Variants in POLR3F observed in about 807,000 individuals in gnomAD.
The protein encoded by POLR3F is DNA-directed RNA polymerase III subunit RPC6.
In POLR3F, 31 loss-of-function variants were observed where a neutral mutation model predicts 43.6. The ratio of observed to expected loss-of-function variants is 0.71; its 90% CI spans 0.53 to 0.96. POLR3F has a LOEUF of 0.96. Among genes scored for constraint, POLR3F ranks in the 40% least tolerant of loss-of-function variants. The probability of loss-of-function intolerance (pLI) is 0.00; values close to 1 mark genes in which losing one functional copy is unlikely to be tolerated. For missense variants in POLR3F, 316 were observed against 391.7 expected (o/e 0.81, Z 1.63); for synonymous variants, 114 against 132.5 (o/e 0.86, Z 0.96).
intron 5 of POLR3F, among the ~76,000 whole-genome samples, chr20:18,476,893 GGTGAAACCCTGTCTCTAC>G (rs2059783375): frequency 6.6e-6 from 1 of 152,086 alleles, no homozygotes; most frequent in Non-Finnish European, 1.5e-5. Flanking sequence ...TCACCAACAT[GGTGAAACCCTGTCTCTAC>G]TAAAAATACA....
chr20:18,469,944 C>G (rs2059739274), intron 2 of POLR3F, among the ~76,000 whole-genome samples: 2 of 152,120 alleles, frequency 1.3e-5, no homozygotes, highest in African/African-American at 4.8e-5. Flanking sequence ...TTTCAGGAAG[C>G]AAGAATGAGT....
In POLR3F at chr20:18,467,552, G is replaced by A. The variant is rs2059699391; in HGVS notation, c.46G>A (p.Val16Ile). ...VKVQPPDADP[V>I]EIENRIIELC... is the part of the protein sequence containing the mutation. ...GGTGCAGCCGCCTGACGCGGATCCGGTCGAAATAGAAAACAGGTAAACCAG... is the reference window on the plus strand; with the variant it reads ...GGTGCAGCCGCCTGACGCGGATCCGATCGAAATAGAAAACAGGTAAACCAG... Residue 16 changes from valine (V) to isoleucine (I), a missense_variant, in exon 1 of 9, where the codon GTC becomes ATC. This residue lies in a region of POLR3F where 122 missense variants were observed against 133.8 expected (regional missense o/e 0.91). Transcript: ENST00000377603. The A allele has an allele frequency of 6.2e-7, 1 of 1,614,152 alleles. No individual in the cohort carries two copies. The highest frequency in any genetic ancestry group is 1.7e-5 in the Admixed American group (1 of 60,014).
Position 18,484,115 on chromosome 20 carries a change from C to T in POLR3F, c.*557C>T. 2.5e-6 allele frequency: 1 copy of T among 398,346 alleles called. No individual in the cohort carries two copies. The highest frequency in any genetic ancestry group is 4.4e-5 in the Admixed American group (1 of 22,702). 24.7% of individuals were successfully genotyped at this position (398,346 alleles called of 1,614,324 possible). A position where few individuals can be genotyped will look rare whatever the true frequency, so the allele number is the denominator to read the frequency against. On this transcript the variant is annotated 3_prime_UTR_variant, in exon 9 of 9. Transcript: ENST00000377603. ...ATGCCTTTTCCGCACAATATTAATTCCTTTTTGTATCAGAAATGTTCTTTT... is the reference window on the plus strand; with the variant it reads ...ATGCCTTTTCCGCACAATATTAATTTCTTTTTGTATCAGAAATGTTCTTTT...
At chr20:18,478,799 C>G (rs944756332) in intron 5 of POLR3F, among the ~76,000 whole-genome samples, 8 of 152,126 alleles carry the variant, frequency 5.3e-5, no homozygotes, top group South Asian at 4.1e-4. Flanking sequence ...ATGAACACAT[C>G]TAGTGCCCAA....
At position 18,481,937 on chromosome 20, in the gene POLR3F, A is replaced by G. The variant is rs142866963; in HGVS notation, c.873+127A>G. ...TTGACCAAGAGCTATTCAAACCTCCATGAAACCTTGATGAACAGACCTTTA... is the reference window on the plus strand; with the variant it reads ...TTGACCAAGAGCTATTCAAACCTCCGTGAAACCTTGATGAACAGACCTTTA... On this transcript the variant is annotated intron_variant, in intron 8 of 8. Transcript: ENST00000377603. 2.3e-3 allele frequency: 1,359 copies of G among 597,414 alleles called. 36 individuals are homozygous for G. The Admixed American group carries it at 0.037, about 16-fold the overall frequency. The allele number at this position is 597,414 out of a possible 1,614,324, so 37.0% of individuals were successfully genotyped here.
Position 18,472,911 on chromosome 20 carries a change from TA to T in POLR3F, c.248+4del. On this transcript the variant is annotated splice_donor_region_variant and intron_variant, in intron 3 of 8. Coordinates refer to ENST00000377603, the MANE Select transcript of POLR3F (RefSeq NM_006466.4). ...AATAAAGGACTCTCAGAATGCTGGG[TA>T]AGTACTTGTTTTTTTAATTTTAAGA... is the stretch of plus-strand genomic sequence containing the variant. 1.5e-6 allele frequency: 2 copies of T among 1,348,680 alleles called. No homozygotes were observed. The highest frequency in any genetic ancestry group is 2.1e-6 in the Non-Finnish European group (2 of 957,146). 83.5% of individuals were successfully genotyped at this position (1,348,680 alleles called of 1,614,324 possible).
In POLR3F at chr20:18,472,826, C is replaced by T; in HGVS notation, c.181-16C>T. 8.3e-7 allele frequency: 1 copy of T among 1,208,588 alleles called. No homozygotes were observed. The highest frequency in any genetic ancestry group is 1.5e-5 in the South Asian group (1 of 68,422). The allele number at this position is 1,208,588 out of a possible 1,614,324, so 74.9% of individuals were successfully genotyped here. On this transcript the variant is annotated splice_polypyrimidine_tract_variant and intron_variant, in intron 2 of 8. Transcript: ENST00000377603. ...CAAAATAACTGACTCCTGTTTTCTA[C>T]TGTCTTAAAAACTAGGGTCAGTTGG...
At chr20:18,473,827 T>C (rs2059766360) in intron 4 of POLR3F, among the ~76,000 whole-genome samples, 1 of 152,184 alleles carries the variant, frequency 6.6e-6, no homozygotes, top group African/African-American at 2.4e-5. Flanking sequence ...TTATCTTATC[T>C]ATAAATTGTG....
At chr20:18,476,576 CAT>C (rs1412159488) in intron 5 of POLR3F, among the ~76,000 whole-genome samples, 1 of 152,142 alleles carries the variant, frequency 6.6e-6, no homozygotes, top group Non-Finnish European at 1.5e-5. Flanking sequence ...TTGAAGAAAA[CAT>C]AGAAAATCTA....
chr20:18,481,883 C>T (rs2059812260), intron 8 of POLR3F, 73 bp downstream of exon 8: 2 of 889,080 alleles, frequency 2.2e-6, no homozygotes, highest in Non-Finnish European at 3.6e-6. Context: ...ACAGAGCAAG[C>T]ACAGCCCAGT....
At chr20:18,470,275 G>A (rs1212484486) in intron 2 of POLR3F, among the ~76,000 whole-genome samples, 2 of 152,242 alleles carry the variant, frequency 1.3e-5, no homozygotes, top group Non-Finnish European at 2.9e-5. Flanking sequence ...GGCTCTGGAT[G>A]TGGAGATTTG....
rs1384689531 is a variant in POLR3F at position 18,467,605 on chromosome 20, G to A, written c.62+37G>A. The A allele has an allele frequency of 1.9e-6, 3 of 1,613,948 alleles. No individual in the cohort carries two copies. In the South Asian group the frequency reaches 3.3e-5, roughly 18 times the overall value. On this transcript the variant is annotated intron_variant, in intron 1 of 8. Coordinates refer to ENST00000377603, the MANE Select transcript of POLR3F (RefSeq NM_006466.4). ...AGGCTCCGGCTTGGCACTCCATCAG[G>A]CGCCCAGTCATTTGGGCAGCTGGAC...
In POLR3F at chr20:18,481,713, C is replaced by CT; in HGVS notation, c.776_777insT (p.Val260SerfsTer35). 6.2e-7 allele frequency: 1 copy of CT among 1,612,228 alleles called. No homozygotes were observed. Among genetic ancestry groups the CT allele is most frequent in the African/African-American group, 1.3e-5 (1 of 75,022 alleles). On this transcript the variant is annotated frameshift_variant, in exon 8 of 9. Coordinates refer to ENST00000377603, the MANE Select transcript of POLR3F (RefSeq NM_006466.4). LOFTEE classifies it high-confidence loss of function. ...ACGATTATTGCTGCAAAAGAAGGCA[C>CT]AGTTGGCAGTGTAGATGGACACATG... is the stretch of plus-strand genomic sequence containing the variant.
chr20:18,482,734 C>A (rs2059817131), intron 8 of POLR3F, among the ~76,000 whole-genome samples: 1 of 152,118 alleles, frequency 6.6e-6, no homozygotes, highest in Non-Finnish European at 1.5e-5. Context: ...TATAGATGAG[C>A]CTGTGTGTGT....
intron 2 of POLR3F, among the ~76,000 whole-genome samples, chr20:18,469,971 T>C (rs1166028139): frequency 1.3e-5 from 2 of 152,216 alleles, no homozygotes; most frequent in Non-Finnish European, 2.9e-5. Flanking sequence ...GAATGAAGAA[T>C]GTTGGGCTTT....
At chr20:18,482,177 C>G (rs557265915) in intron 8 of POLR3F, among the ~76,000 whole-genome samples, 1 of 151,656 alleles carries the variant, frequency 6.6e-6, no homozygotes, top group African/African-American at 2.4e-5. Flanking sequence ...TTAGTGGAGA[C>G]GGGGTTTCAC....
intron 7 of POLR3F, 68 bp from the exon 8 acceptor site, chr20:18,481,551 T>C (rs1228111976): frequency 8.9e-7 from 1 of 1,122,170 alleles, no homozygotes; most frequent in Non-Finnish European, 1.3e-6. Context: ...CCTTTACTGT[T>C]TTTAACACCC....
chr20:18,475,425 TGAA>T (rs2059774825), intron 5 of POLR3F, among the ~76,000 whole-genome samples: 3 of 152,242 alleles, frequency 2.0e-5, no homozygotes, highest in African/African-American at 7.2e-5. Flanking sequence ...TTTGGAACTG[TGAA>T]CATTTTTCCT....
chr20:18,483,515 C>A lies in POLR3F; in HGVS notation c.908C>A (p.Ser303Ter). The A allele has an allele frequency of 6.5e-7, 1 of 1,537,236 alleles. No individual in the cohort carries two copies. The highest frequency in any genetic ancestry group is 8.9e-7 in the Non-Finnish European group (1 of 1,129,614). ...GACTGCCACGAAGGTGGTGAGATTT[C>A]ACCATCTAACTGTATTTACATGACA... ...FDDCHEGGEISPSNCIYMTEW... is the reference protein window; with the variant it reads ...FDDCHEGGEI The change falls in exon 9 of 9, where the codon TCA becomes TAA. Residue 303 changes from serine (S) to a stop codon, truncating the protein, a stop_gained. Transcript: ENST00000377603. LOFTEE classifies it high-confidence loss of function.
Sources: gnomAD v4.1 joint callset for allele counts (sites outside exome capture counted in the v4.1 genomes callset) on GRCh38, gnomAD v4.1.1 for gene constraint, gnomAD v4.1.1 regional missense constraint, MANE v1.5 for transcripts, NCBI Gene and HGNC (gene_info 2026-07-23, HGNC 2026-07-21) for gene names.